The following NQO1 variants were observed in gnomAD, a reference collection of about 807,000 sequenced individuals.
The protein encoded by NQO1 is NAD(P)H dehydrogenase [quinone] 1.
A neutral mutation model predicts 32.1 loss-of-function variants in NQO1; 30 were observed. The observed-to-expected ratio is 0.94, with a 90% CI of 0.70 to 1.27. The LOEUF (loss-of-function observed/expected upper bound fraction) is 1.27, where lower values mean the gene tolerates loss of function less well. Ranked by LOEUF, NQO1 falls within the 50% of genes most tolerant of loss-of-function variation. The pLI, the probability that NQO1 is intolerant of heterozygous loss-of-function variation, is 0.00. For missense variants in NQO1, 276 were observed against 331.3 expected, an observed-to-expected ratio of 0.83 and a Z score of 1.30; for synonymous variants, 109 against 119.7, an observed-to-expected ratio of 0.91 and a Z score of 0.59.
At chr16:69,725,063 A>G (rs2038243021) in intron 1 of NQO1, among the ~76,000 whole-genome samples, 1 of 152,112 alleles carries the variant, frequency 6.6e-6, no homozygotes, top group Non-Finnish European at 1.5e-5. Flanking sequence ...AATGAAATAC[A>G]AGGGAAACAG....
chr16:69,714,436 G>GGC (rs2038085239), intron 4 of NQO1, among the ~76,000 whole-genome samples: 1 of 151,770 alleles, frequency 6.6e-6, no homozygotes, highest in African/African-American at 2.4e-5. Flanking sequence ...CTCCCAAAGT[G>GGC]CTGAAATTAC....
rs2151741998 is a variant in NQO1, at chr16:69,711,299, A to C, written c.520-18T>G. 6.3e-7 allele frequency: 1 copy of C among 1,595,262 alleles called. No individual in the cohort carries two copies. Among genetic ancestry groups the C allele is most frequent in the Non-Finnish European group, 8.6e-7 (1 of 1,168,086 alleles). On this transcript the variant is annotated intron_variant, in intron 5 of 5. Coordinates refer to ENST00000320623, the MANE Select transcript of NQO1 (RefSeq NM_000903.3). ...ATGCCACTCTGAGGATACAGAAAGC[A>C]CAGAGAGGTAAGTCAACCAATTCCA...
chr16:69,719,749 G>A (rs1024173573), intron 1 of NQO1, among the ~76,000 whole-genome samples: 1 of 151,882 alleles, frequency 6.6e-6, no homozygotes, highest in African/African-American at 2.4e-5. Context: ...CTCCAGCCTG[G>A]GTGACAGAGT....
At chr16:69,717,137 C>T (rs896610872) in intron 3 of NQO1, among the ~76,000 whole-genome samples, 1 of 151,508 alleles carries the variant, frequency 6.6e-6, no homozygotes, top group Non-Finnish European at 1.5e-5. Context: ...CCACCCTCCT[C>T]GTGGTTTCCA....
intron 5 of NQO1, among the ~76,000 whole-genome samples, chr16:69,712,820 C>T (rs1443605832): frequency 6.6e-6 from 1 of 152,048 alleles, no homozygotes; most frequent in Non-Finnish European, 1.5e-5. Flanking sequence ...GCCTGGCTAA[C>T]ATGGCAAGAC....
intron 2 of NQO1, 38 bp from the exon 3 acceptor site, chr16:69,718,291 C>T (rs1198248963): frequency 2.2e-5 from 35 of 1,612,926 alleles, no homozygotes; most frequent in Non-Finnish European, 3.0e-5. Flanking sequence ...GCCAGAGGGG[C>T]CAAAGCTGGG....
At position 69,726,462 on chromosome 16, in the gene NQO1, C is replaced by G. The variant is rs1378813237; in HGVS notation, c.-23G>C. 1 of 1,607,744 alleles carries G rather than the reference C, an allele frequency of 6.2e-7. No individual in the cohort carries two copies. Among genetic ancestry groups the G allele is most frequent in the South Asian group, 1.1e-5 (1 of 90,954 alleles). On this transcript the variant is annotated 5_prime_UTR_variant, in exon 1 of 6. Transcript: ENST00000320623. ...CATGGCTCTGGTGCAGTCCGGGGCG[C>G]TGATTGGCTGGGCTCGTGGTTGCCG...
intron 1 of NQO1, among the ~76,000 whole-genome samples, chr16:69,723,667 T>C (rs898384999): frequency 3.3e-5 from 5 of 151,412 alleles, no homozygotes; most frequent in African/African-American, 9.7e-5. Context: ...CCAGGTGTAG[T>C]GGCAGGTGCC....
Position 69,711,177 on chromosome 16 carries a change from C to T in NQO1, c.624G>A (p.Trp208Ter), listed in dbSNP as rs773833559. ...CCCAAATATTCTCCAGGCGTTTCTTCCATCCTTCCAGGATTTGAATTCGGG... is the reference window on the plus strand; with the variant it reads ...CCCAAATATTCTCCAGGCGTTTCTTTCATCCTTCCAGGATTTGAATTCGGG... ...ADARIQILEG[W>*]KKRLENIWDE... Residue 208 changes from tryptophan to a stop codon, truncating the protein, a stop_gained, in exon 6 of 6, where the codon TGG becomes TGA. Transcript: ENST00000320623. LOFTEE classifies it high-confidence loss of function. The T allele has an allele frequency of 2.5e-6, 4 of 1,614,214 alleles. No individual in the cohort carries two copies. The highest frequency in any genetic ancestry group is 2.2e-5 in the South Asian group (2 of 91,088).
intron 4 of NQO1, among the ~76,000 whole-genome samples, chr16:69,714,707 C>G (rs934291288): frequency 6.6e-6 from 1 of 151,314 alleles, no homozygotes; most frequent in African/African-American, 2.4e-5. Flanking sequence ...TGGAGAAACC[C>G]CGTCTCTACT....
At chr16:69,712,368 C>T (rs12595892) in intron 5 of NQO1, among the ~76,000 whole-genome samples, 12 of 152,126 alleles carry the variant, frequency 7.9e-5, no homozygotes, top group African/African-American at 2.7e-4. Flanking sequence ...GTCTTGGGCT[C>T]TAATAGTCTA....
intron 5 of NQO1, among the ~76,000 whole-genome samples, chr16:69,712,096 C>T (rs1193368280): frequency 6.6e-6 from 1 of 152,096 alleles, no homozygotes; most frequent in East Asian, 1.9e-4. Flanking sequence ...AAATTATTTC[C>T]TTTTTCTTCG....
chr16:69,713,355 C>T (rs942219034), intron 4 of NQO1, among the ~76,000 whole-genome samples: 2 of 152,182 alleles, frequency 1.3e-5, no homozygotes, highest in Non-Finnish European at 2.9e-5. Flanking sequence ...ATTCCAAACC[C>T]CCACATGTGG....
At chr16:69,717,494 TAACTGAAGGAATCG>T (rs1345099409) in intron 3 of NQO1, among the ~76,000 whole-genome samples, 2 of 40,608 alleles carry the variant, frequency 4.9e-5, no homozygotes, top group Non-Finnish European at 1.9e-4. Flanking sequence ...CAGGATTCGC[TAACTGAAGGAATCG>T]CTAACTGAAG....
At chr16:69,712,474 G>A (rs2151742575) in intron 5 of NQO1, among the ~76,000 whole-genome samples, 1 of 152,344 alleles carries the variant, frequency 6.6e-6, no homozygotes, top group African/African-American at 2.4e-5. Flanking sequence ...CAAATCAAGA[G>A]TAGTGATTCA....
At chr16:69,712,303 C>T (rs925161618) in intron 5 of NQO1, among the ~76,000 whole-genome samples, 5 of 151,196 alleles carry the variant, frequency 3.3e-5, no homozygotes, top group Admixed American at 1.3e-4. Flanking sequence ...GTCTCAAAGT[C>T]CTGGGCTCAA....
chr16:69,711,836 T>G (rs577690349), intron 5 of NQO1, among the ~76,000 whole-genome samples: 1 of 152,156 alleles, frequency 6.6e-6, no homozygotes, highest in East Asian at 1.9e-4. Context: ...GTATCTTTAG[T>G]AGAGACAGGG....
intron 1 of NQO1, among the ~76,000 whole-genome samples, chr16:69,721,318 C>T (rs1455802561): frequency 1.3e-5 from 2 of 152,170 alleles, no homozygotes; most frequent in Non-Finnish European, 2.9e-5. Flanking sequence ...GAGGGGGTCT[C>T]CTTCCTCATG....
rs8056468 is a variant in NQO1 at position 69,710,200 on chromosome 16, G to A, written c.*776C>T. On this transcript the variant is annotated 3_prime_UTR_variant, in exon 6 of 6. Transcript: ENST00000320623. ...ATACAAAAATTAGTCAGGCATGATG[G>A]CAGGCGCCTGTCATCCCAGCTACTA... The A allele has an allele frequency of 2.3e-3, 357 of 153,446 alleles. 3 individuals are homozygous for A. The highest frequency in any genetic ancestry group is 8.5e-3 in the African/African-American group (352 of 41,548). The allele number at this position is 153,446 out of a possible 1,614,324, so 9.5% of individuals were successfully genotyped here.
Sources: gnomAD v4.1 joint callset for allele counts (sites outside exome capture counted in the v4.1 genomes callset) on GRCh38, gnomAD v4.1.1 for gene constraint, MANE v1.5 for transcripts, NCBI Gene and HGNC (gene_info 2026-07-23, HGNC 2026-07-21) for gene names.